Variants in HSPB2 observed in about 807,000 individuals in gnomAD.
HSPB2 encodes heat shock protein beta-2.
A neutral mutation model predicts 14.1 loss-of-function variants in HSPB2; 14 were observed. The ratio of observed to expected loss-of-function variants is 0.99; its 90% CI spans 0.66 to 1.55. The LOEUF (loss-of-function observed/expected upper bound fraction) is 1.55, where lower values mean the gene tolerates loss of function less well. Among genes scored for constraint, HSPB2 ranks in the 40% most tolerant of loss-of-function variants. The pLI, the probability that HSPB2 is intolerant of heterozygous loss-of-function variation, is 0.00. For synonymous variants in HSPB2, 110 were observed against 103.4 expected, an observed-to-expected ratio of 1.06 and a Z score of -0.39; for missense variants, 242 against 241.7, an observed-to-expected ratio of 1.00 and a Z score of -0.01.
In HSPB2 at chr11:111,912,967, T is replaced by G. The variant is rs1430781268; in HGVS notation, c.94+44T>G. 55 of 885,510 alleles carry G rather than the reference T, an allele frequency of 6.2e-5. No homozygotes were observed. In the Admixed American group the frequency reaches 2.9e-3, roughly 47 times the overall value. 54.9% of individuals were successfully genotyped at this position (885,510 alleles called of 1,614,324 possible). A position where few individuals can be genotyped will look rare whatever the true frequency, so the allele number is the denominator to read the frequency against. The stretch of plus-strand genomic sequence containing the variant: ...CCCCTTGCCCCCCACCCCCACCCCC[T>G]GAAATTCTGGGCTGACCTCCCAACG... On this transcript the variant is annotated intron_variant, in intron 1 of 1. Transcript: ENST00000304298.
chr11:111,913,495 G>A lies in HSPB2; in HGVS notation c.149G>A (p.Arg50Gln), dbSNP rs587699399. Reference sequence around the variant, plus strand: ...ACACTCTACCATGGCTACTATGTCCGGCCTCGGGCCGCCCCAGCTGGGGAG... The same window carrying A: ...ACACTCTACCATGGCTACTATGTCCAGCCTCGGGCCGCCCCAGCTGGGGAG... ...TPTLYHGYYVRPRAAPAGEGS... is the reference protein window; with the variant it reads ...TPTLYHGYYVQPRAAPAGEGS... Residue 50 changes from arginine to glutamine, a missense_variant, in exon 2 of 2, where the codon CGG (arginine) becomes CAG (glutamine). Coordinates refer to ENST00000304298, the MANE Select transcript of HSPB2 (RefSeq NM_001541.4). 4.7e-5 allele frequency: 76 copies of A among 1,613,498 alleles called. 1 individual carries two copies. Among genetic ancestry groups the A allele is most frequent in the Non-Finnish European group, 6.2e-5 (73 of 1,180,020 alleles).
rs1310625169 is a variant in HSPB2 at position 111,912,934 on chromosome 11, G to T, written c.94+11G>T. 1.3e-6 allele frequency: 2 copies of T among 1,579,444 alleles called. No individual in the cohort carries two copies. The highest frequency in any genetic ancestry group is 2.3e-5 in the East Asian group (1 of 43,580). On this transcript the variant is annotated intron_variant, in intron 1 of 1. Coordinates refer to ENST00000304298, the MANE Select transcript of HSPB2 (RefSeq NM_001541.4). Reference sequence around the variant, plus strand: ...AGCGCTTCGGAGAAGGTATGGCACAGACACCACCCCCTTGCCCCCCACCCC... The same window carrying T: ...AGCGCTTCGGAGAAGGTATGGCACATACACCACCCCCTTGCCCCCCACCCC...
rs1555165931 is a variant in HSPB2, at chr11:111,913,910, G to A, written c.*15G>A. ...TTGAGCCCTGATTGCCACAGACCCA[G>A]CACCCAGCAAATCCCTCTCTACCTC... On this transcript the variant is annotated 3_prime_UTR_variant, in exon 2 of 2. Coordinates refer to ENST00000304298, the MANE Select transcript of HSPB2 (RefSeq NM_001541.4). 2 of 1,584,276 alleles carry A rather than the reference G, an allele frequency of 1.3e-6. No homozygotes were observed. Among genetic ancestry groups the A allele is most frequent in the East Asian group, 2.2e-5 (1 of 44,652 alleles).
Position 111,912,895 on chromosome 11 carries a change from C to A in HSPB2, c.66C>A (p.Ser22Arg), listed in dbSNP as rs1489345545. Residue 22 changes from serine to arginine, a missense_variant, in exon 1 of 2, where the codon AGC becomes AGA. Ser to Arg is a moderately radical substitution (Grantham distance 110, BLOSUM62 -1). Coordinates refer to ENST00000304298, the MANE Select transcript of HSPB2 (RefSeq NM_001541.4). ...CCGAGTACGAATTTGCCAACCCGAG[C>A]CGCCTGGGTGAGCAGCGCTTCGGAG... ...ATAEYEFANP[S>R]RLGEQRFGEG... 1.9e-6 allele frequency: 3 copies of A among 1,608,990 alleles called. No homozygotes were observed. The highest frequency in any genetic ancestry group is 2.5e-6 in the Non-Finnish European group (3 of 1,178,754).
In HSPB2 at chr11:111,913,048, C is replaced by G. The variant is rs187421827; in HGVS notation, c.94+125C>G. ...CTGATCTCCTGGGACCAGCCACCCCCCACCCCAGACTACCCCTCATCCCCT... is the reference window on the plus strand; with the variant it reads ...CTGATCTCCTGGGACCAGCCACCCCGCACCCCAGACTACCCCTCATCCCCT... On this transcript the variant is annotated intron_variant, in intron 1 of 1. Transcript: ENST00000304298. The G allele has an allele frequency of 1.4e-4, 100 of 700,678 alleles. 1 individual carries two copies. The highest frequency in any genetic ancestry group is 1.3e-3 in the African/African-American group (75 of 56,536). The allele number at this position is 700,678 out of a possible 1,614,324, so 43.4% of individuals were successfully genotyped here.
chr11:111,914,003 CA>C lies in HSPB2; in HGVS notation c.*109del, dbSNP rs1965556767. The stretch of plus-strand genomic sequence containing the variant: ...GCATCCTTGGGGGAAGGGAAAGGTG[CA>C]TGGTCCACAATGTATGGTTTGGTCC... On this transcript the variant is annotated 3_prime_UTR_variant, in exon 2 of 2. Transcript: ENST00000304298. The C allele has an allele frequency of 4.2e-6, 4 of 957,494 alleles. No individual in the cohort carries two copies. In the Admixed American group the frequency reaches 1.1e-4, roughly 26 times the overall value. 59.3% of individuals were successfully genotyped at this position (957,494 alleles called of 1,614,324 possible).
intron 1 of HSPB2, 74 bp downstream of exon 1, chr11:111,912,997 T>G: frequency 2.0e-5 from 19 of 937,530 alleles, no homozygotes; most frequent in East Asian, 8.9e-5. Context: ...CCAACGTTGC[T>G]GGCCTCCACC....
chr11:111,913,284 T>G, intron 1 of HSPB2, 157 bp from the exon 2 acceptor site: 1 of 658,214 alleles, frequency 1.5e-6, no homozygotes, highest in South Asian at 1.8e-5. Flanking sequence ...CCGAGCTGCC[T>G]TCTCCTCCTA....
Position 111,913,494 on chromosome 11 carries a change from C to G in HSPB2, c.148C>G (p.Arg50Gly). The G allele has an allele frequency of 6.2e-7, 1 of 1,613,428 alleles. No individual in the cohort carries two copies. Among genetic ancestry groups the G allele is most frequent in the Non-Finnish European group, 8.5e-7 (1 of 1,180,014 alleles). The part of the protein sequence containing the change: ...TPTLYHGYYV[R>G]PRAAPAGEGS... ...CACACTCTACCATGGCTACTATGTC[C>G]GGCCTCGGGCCGCCCCAGCTGGGGA... The change falls in exon 2 of 2, where the codon CGG becomes GGG. Residue 50 changes from arginine to glycine, a missense_variant. Coordinates refer to ENST00000304298, the MANE Select transcript of HSPB2 (RefSeq NM_001541.4).
chr11:111,913,963 A>C lies in HSPB2; in HGVS notation c.*68A>C. ...AAGGTGATATGGGCAGCTGCCCACC[A>C]CTCCAGAGGTAGCAGCATCCTTGGG... On this transcript the variant is annotated 3_prime_UTR_variant, in exon 2 of 2. Transcript: ENST00000304298. 1 of 1,322,684 alleles carries C rather than the reference A, an allele frequency of 7.6e-7. No individual in the cohort carries two copies. 81.9% of individuals were successfully genotyped at this position (1,322,684 alleles called of 1,614,324 possible).
chr11:111,913,912 AC>A lies in HSPB2; in HGVS notation c.*20del. ...GAGCCCTGATTGCCACAGACCCAGC[AC>A]CCAGCAAATCCCTCTCTACCTCCCA... On this transcript the variant is annotated 3_prime_UTR_variant, in exon 2 of 2. Transcript: ENST00000304298. 1.3e-6 allele frequency: 2 copies of A among 1,582,736 alleles called. No individual in the cohort carries two copies. Among genetic ancestry groups the A allele is most frequent in the South Asian group, 2.3e-5 (2 of 85,984 alleles).
chr11:111,913,176 C>T (rs1965525249), intron 1 of HSPB2: 2 of 604,786 alleles, frequency 3.3e-6, no homozygotes, highest in East Asian at 2.8e-5. Context: ...CCTTGTCCCC[C>T]TTCTATCCAC....
Position 111,913,788 on chromosome 11 carries a change from C to A in HSPB2, c.442C>A (p.Arg148=). 1 of 1,614,160 alleles carries A rather than the reference C, an allele frequency of 6.2e-7. No individual in the cohort carries two copies. The highest frequency in any genetic ancestry group is 8.5e-7 in the Non-Finnish European group (1 of 1,180,040). Residue 148 remains arginine (R), a synonymous_variant, in exon 2 of 2, where the codon CGG becomes AGG. Transcript: ENST00000304298. ...TGGCATCTTAAACCTGGAAGCACCT[C>A]GGGGTGGCCGACATTTGGACACAGA... is the stretch of plus-strand genomic sequence containing the variant. The part of the protein sequence containing the change: ...HDGILNLEAP[R]GGRHLDTEVN...
At chr11:111,913,279 C>G (rs1281485678) in intron 1 of HSPB2, 162 bp from the exon 2 acceptor site, 3 of 666,832 alleles carry the variant, frequency 4.5e-6, no homozygotes, top group Non-Finnish European at 5.3e-6. Flanking sequence ...CTCTTCCGAG[C>G]TGCCTTCTCC....
rs202111419 is a variant in HSPB2, at chr11:111,913,520, G to C, written c.174G>C (p.Glu58Asp). 6.2e-7 allele frequency: 1 copy of C among 1,614,078 alleles called. No individual in the cohort carries two copies. Among genetic ancestry groups the C allele is most frequent in the Non-Finnish European group, 8.5e-7 (1 of 1,179,996 alleles). The change falls in exon 2 of 2, where the codon GAG (glutamate) becomes GAC (aspartate). Residue 58 changes from glutamate (E) to aspartate (D), a missense_variant. Transcript: ENST00000304298. ...GGCCTCGGGCCGCCCCAGCTGGGGA[G>C]GGCAGCAGGGCAGGGGCCTCCGAGC... ...YVRPRAAPAG[E>D]GSRAGASELR...
At position 111,913,673 on chromosome 11, in the gene HSPB2, C is replaced by T; in HGVS notation, c.327C>T (p.Arg109=). The part of the protein sequence containing the change: ...VSARHPQRLD[R]HGFVSREFCR... ...CCCGGCACCCCCAGCGCCTGGACCG[C>T]CACGGCTTCGTGTCCCGAGAGTTCT... Residue 109 remains arginine, a synonymous_variant, in exon 2 of 2, where the codon CGC becomes CGT. Transcript: ENST00000304298. The T allele has an allele frequency of 1.2e-6, 2 of 1,614,184 alleles. No individual in the cohort carries two copies. Among genetic ancestry groups the T allele is most frequent in the East Asian group, 2.2e-5 (1 of 44,882 alleles).
In HSPB2 at chr11:111,913,951, C is replaced by A; in HGVS notation, c.*56C>A. The A allele has an allele frequency of 1.4e-6, 2 of 1,437,950 alleles. No homozygotes were observed. The highest frequency in any genetic ancestry group is 1.9e-6 in the Non-Finnish European group (2 of 1,056,292). 89.1% of individuals were successfully genotyped at this position (1,437,950 alleles called of 1,614,324 possible). On this transcript the variant is annotated 3_prime_UTR_variant, in exon 2 of 2. Coordinates refer to ENST00000304298, the MANE Select transcript of HSPB2 (RefSeq NM_001541.4). ...TCTCTACCTCCCAAGGTGATATGGG[C>A]AGCTGCCCACCACTCCAGAGGTAGC...
At chr11:111,913,274 C>T (rs1479424336) in intron 1 of HSPB2, 167 bp from the exon 2 acceptor site, 4 of 657,244 alleles carry the variant, frequency 6.1e-6, no homozygotes, top group African/African-American at 1.8e-5. Flanking sequence ...TTCCCCTCTT[C>T]CGAGCTGCCT....
In HSPB2 at chr11:111,913,533, G is replaced by A. The variant is rs1555165858; in HGVS notation, c.187G>A (p.Gly63Arg). Residue 63 changes from glycine to arginine, a missense_variant, in exon 2 of 2, where the codon GGG becomes AGG. Transcript: ENST00000304298. ...AAPAGEGSRA[G>R]ASELRLSEGK... is the part of the protein sequence containing the mutation. Reference sequence around the variant, plus strand: ...CCCAGCTGGGGAGGGCAGCAGGGCAGGGGCCTCCGAGCTTAGGCTCAGTGA... The same window carrying A: ...CCCAGCTGGGGAGGGCAGCAGGGCAAGGGCCTCCGAGCTTAGGCTCAGTGA... The A allele has an allele frequency of 6.2e-7, 1 of 1,614,108 alleles. No individual in the cohort carries two copies.
Sources: allele counts gnomAD v4.1 joint callset, GRCh38; gene constraint gnomAD v4.1.1; transcripts MANE v1.5; gene names NCBI Gene and HGNC (gene_info 2026-07-23, HGNC 2026-07-21).